Variants in ZMIZ1 observed in about 807,000 individuals in gnomAD.
The protein encoded by ZMIZ1 is zinc finger MIZ domain-containing protein 1.
Under a neutral mutation model 113.9 loss-of-function variants are expected in ZMIZ1, and 17 were observed. The ratio of observed to expected loss-of-function variants is 0.15; its 90% CI spans 0.10 to 0.22. ZMIZ1 has a LOEUF of 0.22. Among genes scored for constraint, ZMIZ1 ranks in the 10% least tolerant of loss-of-function variants. ZMIZ1 has a pLI of 1.00. For synonymous variants in ZMIZ1, 607 were observed against 603.1 expected (o/e 1.01, Z -0.09); for missense variants, 1,059 against 1,477.8 (o/e 0.72, Z 4.65).
intron 4 of ZMIZ1, among the ~76,000 whole-genome samples, chr10:79,163,408 G>A (rs905450193): frequency 1.8e-4 from 27 of 152,262 alleles, no homozygotes; most frequent in African/African-American, 6.5e-4. Flanking sequence ...CTGAAAATGA[G>A]GCTGATTATA....
chr10:79,126,411 A>G (rs1844513571), intron 2 of ZMIZ1, among the ~76,000 whole-genome samples: 1 of 152,160 alleles, frequency 6.6e-6, no homozygotes, highest in Non-Finnish European at 1.5e-5. Context: ...GCCAGGGTCT[A>G]GGGGCTCTGA....
intron 1 of ZMIZ1, among the ~76,000 whole-genome samples, chr10:79,089,759 T>G (rs1842932704): frequency 6.6e-6 from 1 of 151,914 alleles, no homozygotes; most frequent in African/African-American, 2.4e-5. Flanking sequence ...TACCACCTCC[T>G]TTGTCCCTCT....
chr10:79,275,326 G>A (rs1852209515), intron 7 of ZMIZ1, among the ~76,000 whole-genome samples: 1 of 152,208 alleles, frequency 6.6e-6, no homozygotes, highest in South Asian at 2.1e-4. Flanking sequence ...CCCACGGAGG[G>A]GGGCAGGACA....
intron 11 of ZMIZ1, among the ~76,000 whole-genome samples, chr10:79,292,558 G>A (rs1853566353): frequency 6.6e-6 from 1 of 152,176 alleles, no homozygotes. Flanking sequence ...GGGCGTGTCA[G>A]TGTGCTTGGG....
chr10:79,157,755 A>G (rs1845959668), intron 3 of ZMIZ1, among the ~76,000 whole-genome samples: 1 of 152,196 alleles, frequency 6.6e-6, no homozygotes, highest in Non-Finnish European at 1.5e-5. Flanking sequence ...AGCCAGCCCC[A>G]TTTGGATAAC....
intron 7 of ZMIZ1, among the ~76,000 whole-genome samples, chr10:79,233,264 A>C (rs1399088451): frequency 6.6e-6 from 1 of 152,224 alleles, no homozygotes; most frequent in East Asian, 1.9e-4. Flanking sequence ...AACAGGCAGC[A>C]TTGCTTGGCC....
chr10:79,094,186 GGCTTCCTCGGCACAAGCGA>G (rs1441355824), intron 1 of ZMIZ1, among the ~76,000 whole-genome samples: 2 of 152,196 alleles, frequency 1.3e-5, no homozygotes, highest in Non-Finnish European at 2.9e-5. Context: ...CCTCCGACCT[GGCTTCCTCGGCACAAGCGA>G]GCCGGGTGAG....
chr10:79,220,584 C>T (rs921724297), intron 7 of ZMIZ1, among the ~76,000 whole-genome samples: 4 of 152,208 alleles, frequency 2.6e-5, no homozygotes, highest in South Asian at 2.1e-4. Context: ...ACTTGTCTGA[C>T]GTGCCTGTGC....
At chr10:79,289,932 G>T (rs1853361635) in intron 9 of ZMIZ1, 43 bp downstream of exon 9, 1 of 1,583,382 alleles carries the variant, frequency 6.3e-7, no homozygotes, top group Non-Finnish European at 8.7e-7. Flanking sequence ...TTTCTAGGCG[G>T]GAGTGTCCCT....
chr10:79,151,920 C>T (rs1258101276), intron 3 of ZMIZ1, among the ~76,000 whole-genome samples: 1 of 152,186 alleles, frequency 6.6e-6, no homozygotes, highest in African/African-American at 2.4e-5. Context: ...TGGCTGCGTG[C>T]TGTGCTGGCT....
At position 79,314,004 on chromosome 10, in the gene ZMIZ1, A is replaced by G. The variant is rs1468198718; in HGVS notation, c.*1255A>G. ...TGTGCACCAGTATGTACCTGCAGGCATGGGGGGGAGGGGGGCGTGTTTCTG... is the reference window on the plus strand; with the variant it reads ...TGTGCACCAGTATGTACCTGCAGGCGTGGGGGGGAGGGGGGCGTGTTTCTG... On this transcript the variant is annotated 3_prime_UTR_variant, in exon 25 of 25. Transcript: ENST00000334512. The G allele has an allele frequency of 2.2e-6, 1 of 455,692 alleles. No individual in the cohort carries two copies. Among genetic ancestry groups the G allele is most frequent in the Non-Finnish European group, 4.4e-6 (1 of 226,730 alleles). 28.2% of individuals were successfully genotyped at this position (455,692 alleles called of 1,614,324 possible). A position where few individuals can be genotyped will look rare whatever the true frequency, so the allele number is the denominator to read the frequency against.
At chr10:79,289,654 T>C in intron 8 of ZMIZ1, 121 bp from the exon 9 acceptor site, 1 of 860,064 alleles carries the variant, frequency 1.2e-6, no homozygotes, top group Non-Finnish European at 1.9e-6. Flanking sequence ...CAGTACCGAC[T>C]CGGATGGGGG....
At chr10:79,231,735 C>A (rs572182174) in intron 7 of ZMIZ1, among the ~76,000 whole-genome samples, 2 of 152,158 alleles carry the variant, frequency 1.3e-5, no homozygotes, top group Non-Finnish European at 2.9e-5. Context: ...CACGCCACCA[C>A]GCCTGGCTAA....
intron 5 of ZMIZ1, among the ~76,000 whole-genome samples, chr10:79,205,263 C>T (rs942776141): frequency 3.3e-5 from 5 of 152,196 alleles, no homozygotes; most frequent in African/African-American, 1.2e-4. Context: ...TGCTCCCATC[C>T]CCAGCCCATC....
At chr10:79,230,059 C>T (rs1849333587) in intron 7 of ZMIZ1, among the ~76,000 whole-genome samples, 1 of 152,130 alleles carries the variant, frequency 6.6e-6, no homozygotes, top group Non-Finnish European at 1.5e-5. Context: ...CTCGTTGCAC[C>T]CTGTGTGGGG....
intron 4 of ZMIZ1, among the ~76,000 whole-genome samples, chr10:79,201,200 C>A (rs1196871280): frequency 6.6e-6 from 1 of 152,176 alleles, no homozygotes; most frequent in Admixed American, 6.5e-5. Flanking sequence ...CCCAGCTACT[C>A]AGGAGGCTGA....
At chr10:79,220,075 CCAAGTCCCAGACATGG>C (rs1848901567) in intron 7 of ZMIZ1, among the ~76,000 whole-genome samples, 1 of 152,158 alleles carries the variant, frequency 6.6e-6, no homozygotes, top group Admixed American at 6.5e-5. Flanking sequence ...AGCTGGGACC[CCAAGTCCCAGACATGG>C]CACCGGCGCC....
At chr10:79,276,945 T>C (rs1852329480) in intron 7 of ZMIZ1, among the ~76,000 whole-genome samples, 1 of 152,118 alleles carries the variant, frequency 6.6e-6, no homozygotes, top group South Asian at 2.1e-4. Context: ...CGCGGGCCAT[T>C]CTGACCCCCT....
chr10:79,316,227 CTT>C lies in ZMIZ1; in HGVS notation c.*3480_*3481del, dbSNP rs1271261466. ...TAACTCCCACAGAAACCATCATCGT[CTT>C]TGTACATCGTATGTACAATGCAATC... is the stretch of plus-strand genomic sequence containing the variant. On this transcript the variant is annotated 3_prime_UTR_variant, in exon 25 of 25. Coordinates refer to ENST00000334512, the MANE Select transcript of ZMIZ1 (RefSeq NM_020338.4). 1 of 152,594 alleles carries C rather than the reference CTT, an allele frequency of 6.6e-6. No homozygotes were observed. The highest frequency in any genetic ancestry group is 1.5e-5 in the Non-Finnish European group (1 of 68,052). The allele number at this position is 152,594 out of a possible 1,614,324, so 9.5% of individuals were successfully genotyped here.
Sources: gnomAD v4.1 joint callset for allele counts (sites outside exome capture counted in the v4.1 genomes callset) on GRCh38, gnomAD v4.1.1 for gene constraint, MANE v1.5 for transcripts, NCBI Gene and HGNC (gene_info 2026-07-23, HGNC 2026-07-21) for gene names.